ANKRD62: variants seen among roughly 807,000 people sequenced by gnomAD.
ANKRD62 encodes the protein ankyrin repeat domain-containing protein 62.
In ANKRD62, 61 loss-of-function variants were observed where a neutral mutation model predicts 98.8. The ratio of observed to expected loss-of-function variants is 0.62; its 90% CI spans 0.50 to 0.76. The LOEUF (loss-of-function observed/expected upper bound fraction) is 0.76, where lower values mean the gene tolerates loss of function less well. ANKRD62 is among the 30% of genes least tolerant of loss of function. ANKRD62 has a pLI of 0.00. For synonymous variants in ANKRD62, 341 were observed against 367.9 expected (o/e 0.93, Z 0.84); for missense variants, 933 against 1,082.9 (o/e 0.86, Z 1.94).
chr18:12,179,215 G>GAACTT, the ANKRD62 span, among the ~76,000 whole-genome samples: 3 of 135,620 alleles, frequency 2.2e-5, no homozygotes, highest in Non-Finnish European at 4.5e-5. Flanking sequence ...GCAGGGTGAG[G>GAACTT]CCTCTTTCTG....
At chr18:12,139,933 G>A in the ANKRD62 span, among the ~76,000 whole-genome samples, 1 of 152,196 alleles carries the variant, frequency 6.6e-6, no homozygotes, top group Non-Finnish European at 1.5e-5. Flanking sequence ...ATAATATCCT[G>A]CAGAGTGTTT....
At chr18:12,173,860 C>T in the ANKRD62 span, among the ~76,000 whole-genome samples, 16 of 152,308 alleles carry the variant, frequency 1.1e-4, no homozygotes, top group South Asian at 2.3e-3. Flanking sequence ...AAAGGCCTGT[C>T]ATTAGTCTGA....
At chr18:12,178,145 C>G in the ANKRD62 span, among the ~76,000 whole-genome samples, 1 of 151,440 alleles carries the variant, frequency 6.6e-6, no homozygotes, top group Non-Finnish European at 1.5e-5. Flanking sequence ...TTTGAGAGGC[C>G]AGGAGAGCTT....
chr18:12,096,766 G>C (rs1045477993), intron 4 of ANKRD62, among the ~76,000 whole-genome samples: 1 of 152,096 alleles, frequency 6.6e-6, no homozygotes. Flanking sequence ...ATGACTCTTT[G>C]CTTTAGCTTG....
intron 5 of ANKRD62, 85 bp downstream of exon 5, chr18:12,097,862 A>T: frequency 2.0e-6 from 3 of 1,468,132 alleles, no homozygotes; most frequent in Non-Finnish European, 2.7e-6. Context: ...GTGAGATTTC[A>T]TAGTTTGGTT....
chr18:12,095,914 C>T (rs891345409), intron 3 of ANKRD62, among the ~76,000 whole-genome samples: 1 of 152,116 alleles, frequency 6.6e-6, no homozygotes. Context: ...ATCTGGATTC[C>T]CTTGAGCTCA....
intron 10 of ANKRD62, among the ~76,000 whole-genome samples, chr18:12,118,260 A>C (rs1407602466): frequency 1.3e-5 from 2 of 152,124 alleles, no homozygotes; most frequent in African/African-American, 4.8e-5. Context: ...TGTTTTTACC[A>C]TATCCATAGT....
intron 8 of ANKRD62, among the ~76,000 whole-genome samples, chr18:12,108,889 C>A (rs1053424108): frequency 7.2e-5 from 11 of 152,244 alleles, no homozygotes; most frequent in African/African-American, 2.7e-4. Context: ...TCTCCTTTGA[C>A]TCCATTTCTC....
the ANKRD62 span, among the ~76,000 whole-genome samples, chr18:12,177,806 T>C: frequency 8.7e-6 from 1 of 115,066 alleles, no homozygotes; most frequent in African/African-American, 3.5e-5. Context: ...AGAAATTTCA[T>C]TGCACTGTGA....
chr18:12,094,725 T>G (rs927606841), intron 1 of ANKRD62, among the ~76,000 whole-genome samples: 1 of 29,302 alleles, frequency 3.4e-5, no homozygotes. Context: ...TAGAGTTGGG[T>G]GGGAGACTGG....
At chr18:12,115,690 T>G (rs1025263029) in intron 10 of ANKRD62, among the ~76,000 whole-genome samples, 156 bp downstream of exon 10, 4 of 152,138 alleles carry the variant, frequency 2.6e-5, no homozygotes, top group Non-Finnish European at 1.5e-5. Context: ...TACTCTATCT[T>G]GTATACTCTT....
rs1650016185 is a variant in ANKRD62, at chr18:12,103,209, G to A, written c.872G>A (p.Cys291Tyr). 8 of 1,360,418 alleles carry A rather than the reference G, an allele frequency of 5.9e-6. No individual in the cohort carries two copies. The highest frequency in any genetic ancestry group is 1.5e-5 in the African/African-American group (1 of 66,886). The allele number at this position is 1,360,418 out of a possible 1,614,324, so 84.3% of individuals were successfully genotyped here. A position where few individuals can be genotyped will look rare whatever the true frequency, so the allele number is the denominator to read the frequency against. ...SEGEQERLEG[C>Y]ESSQPQVEEK... ...GGAGAGCAAGAAAGGCTTGAAGGAT[G>A]TGAAAGTAGCCAGCCACAGGTATGT... Residue 291 changes from cysteine (C) to tyrosine (Y), a missense_variant, in exon 7 of 14, where the codon TGT (cysteine) becomes TAT (tyrosine). Around this residue, in one of 3 missense-constraint regions of ANKRD62, gnomAD observed 549 missense variants for 587.9 expected, o/e 0.93. Coordinates refer to ENST00000587848, the MANE Select transcript of ANKRD62 (RefSeq NM_001277333.2).
chr18:12,140,837 A>G, the ANKRD62 span, among the ~76,000 whole-genome samples: 8 of 152,288 alleles, frequency 5.3e-5, no homozygotes, highest in Admixed American at 2.0e-4. Context: ...TCAGATCTCA[A>G]ATCTCAAGCT....
At chr18:12,163,793 C>G in the ANKRD62 span, among the ~76,000 whole-genome samples, 4 of 151,944 alleles carry the variant, frequency 2.6e-5, no homozygotes, top group Admixed American at 2.0e-4. Context: ...TGTCTTTCAT[C>G]CTGTTGATAT....
At chr18:12,146,326 G>A in the ANKRD62 span, among the ~76,000 whole-genome samples, 1 of 152,172 alleles carries the variant, frequency 6.6e-6, no homozygotes, top group East Asian at 1.9e-4. Flanking sequence ...CATCTTTGCT[G>A]TTGGGATGAC....
chr18:12,097,898 T>C (rs1031879826), intron 5 of ANKRD62, 121 bp downstream of exon 5: 1 of 1,128,126 alleles, frequency 8.9e-7, no homozygotes, highest in Non-Finnish European at 1.2e-6. Context: ...TGGCAGTGAG[T>C]TAGTCCACTT....
intron 5 of ANKRD62, among the ~76,000 whole-genome samples, chr18:12,098,207 G>C (rs549241773): frequency 1.3e-5 from 2 of 152,126 alleles, no homozygotes; most frequent in Non-Finnish European, 2.9e-5. Context: ...TCCGCAGTGG[G>C]CTCCAACTTG....
chr18:12,115,348 T>C lies in ANKRD62; in HGVS notation c.1099-45T>C, dbSNP rs186878441. 171 of 1,492,532 alleles carry C rather than the reference T, an allele frequency of 1.1e-4. 1 individual carries two copies. The East Asian group carries it at 3.1e-3, about 27-fold the overall frequency. The allele number at this position is 1,492,532 out of a possible 1,614,324, so 92.5% of individuals were successfully genotyped here. On this transcript the variant is annotated intron_variant, in intron 9 of 13. Coordinates refer to ENST00000587848, the MANE Select transcript of ANKRD62 (RefSeq NM_001277333.2). ...ACTGGTGTATATTTAGTATATGCTA[T>C]AAATATTTCGAGGGCATTTTGAAAC...
At chr18:12,117,315 A>G (rs559763686) in intron 10 of ANKRD62, among the ~76,000 whole-genome samples, 1 of 152,358 alleles carries the variant, frequency 6.6e-6, no homozygotes, top group African/African-American at 2.4e-5. Context: ...GACAACCTGT[A>G]CAATTAATGA....
Sources: gnomAD v4.1 joint callset for allele counts (sites outside exome capture counted in the v4.1 genomes callset) on GRCh38, gnomAD v4.1.1 for gene constraint, gnomAD v4.1.1 regional missense constraint, MANE v1.5 for transcripts, NCBI Gene and HGNC (gene_info 2026-07-23, HGNC 2026-07-21) for gene names.